NIPAL1: variants seen among roughly 807,000 people sequenced by gnomAD.
NIPAL1 encodes the protein NIPA like domain containing 1.
In NIPAL1, 35 loss-of-function variants were observed where a neutral mutation model predicts 37.7. The observed-to-expected ratio is 0.93, with a 90% CI of 0.71 to 1.23. NIPAL1 has a LOEUF of 1.23. Among genes scored for constraint, NIPAL1 ranks in the 50% most tolerant of loss-of-function variants. The probability of loss-of-function intolerance (pLI) is 0.00; values close to 1 mark genes in which losing one functional copy is unlikely to be tolerated. For missense variants in NIPAL1, 412 were observed against 473.9 expected, an observed-to-expected ratio of 0.87 and a Z score of 1.21; for synonymous variants, 162 against 183.0, an observed-to-expected ratio of 0.89 and a Z score of 0.93.
chr4:48,024,222 A>C (rs1251713634), intron 1 of NIPAL1, among the ~76,000 whole-genome samples: 1 of 151,060 alleles, frequency 6.6e-6, no homozygotes, highest in East Asian at 2.0e-4. Context: ...CAAGTGATCC[A>C]CCCGCCTTGG....
intron 1 of NIPAL1, among the ~76,000 whole-genome samples, chr4:48,019,458 A>G (rs1715523387): frequency 6.6e-6 from 1 of 152,242 alleles, no homozygotes; most frequent in Non-Finnish European, 1.5e-5. Flanking sequence ...GATTGGGAAC[A>G]TATGATGGAA....
intron 2 of NIPAL1, 73 bp from the exon 3 acceptor site, chr4:48,030,047 T>G: frequency 1.2e-6 from 1 of 858,778 alleles, no homozygotes; most frequent in Non-Finnish European, 2.0e-6. Context: ...GTACGCTTCC[T>G]AGAAGTTAAT....
intron 2 of NIPAL1, 53 bp from the exon 3 acceptor site, chr4:48,030,067 C>A: frequency 1.9e-6 from 2 of 1,050,900 alleles, no homozygotes; most frequent in Non-Finnish European, 3.0e-6. Flanking sequence ...TTCTTCAAAC[C>A]TTCCTCCAGT....
At chr4:48,030,822 G>A (rs566386152) in intron 3 of NIPAL1, among the ~76,000 whole-genome samples, 11 of 152,248 alleles carry the variant, frequency 7.2e-5, no homozygotes, top group African/African-American at 2.6e-4. Flanking sequence ...ATCCCAAAGC[G>A]GAGGCTCCCC....
Position 48,035,896 on chromosome 4 carries a change from G to A in NIPAL1, c.957G>A (p.Val319=). The A allele has an allele frequency of 6.2e-7, 1 of 1,614,042 alleles. No homozygotes were observed. Among genetic ancestry groups the A allele is most frequent in the Non-Finnish European group, 8.5e-7 (1 of 1,179,946 alleles). The part of the protein sequence containing the change: ...IYYVFFTSMV[V]TCSAILFQEW... The stretch of plus-strand genomic sequence containing the variant: ...ATGTATTCTTCACATCCATGGTAGT[G>A]ACTTGCTCTGCCATCTTATTCCAAG... Residue 319 remains valine, a synonymous_variant, in exon 6 of 6, where the codon GTG becomes GTA. Transcript: ENST00000295461.
In NIPAL1 at chr4:48,036,259, G is replaced by A; in HGVS notation, c.*87G>A. ...GCTTCTTGGAAGAACTGCTAGGAAA[G>A]TTAGCATTTTTGCAGTTCTAACTAA... is the stretch of plus-strand genomic sequence containing the variant. On this transcript the variant is annotated 3_prime_UTR_variant, in exon 6 of 6. Transcript: ENST00000295461. 1 of 1,337,350 alleles carries A rather than the reference G, an allele frequency of 7.5e-7. No individual in the cohort carries two copies. The highest frequency in any genetic ancestry group is 1.0e-6 in the Non-Finnish European group (1 of 982,002). The allele number at this position is 1,337,350 out of a possible 1,614,324, so 82.8% of individuals were successfully genotyped here. A position where few individuals can be genotyped will look rare whatever the true frequency, so the allele number is the denominator to read the frequency against.
At chr4:48,032,805 T>TTA (rs1370195471) in intron 3 of NIPAL1, among the ~76,000 whole-genome samples, 188 bp from the exon 4 acceptor site, 1 of 152,238 alleles carries the variant, frequency 6.6e-6, no homozygotes, top group African/African-American at 2.4e-5. Context: ...TCACCTGGTA[T>TTA]TACAGTTTGT....
chr4:48,024,920 G>T, intron 1 of NIPAL1, 148 bp from the exon 2 acceptor site: 1 of 662,856 alleles, frequency 1.5e-6, no homozygotes, highest in South Asian at 1.9e-5. Flanking sequence ...AGTGTCTATA[G>T]GTCTGTGGGC....
At chr4:48,022,363 T>G (rs321622) in intron 1 of NIPAL1, among the ~76,000 whole-genome samples, 1 of 152,030 alleles carries the variant, frequency 6.6e-6, no homozygotes, top group South Asian at 2.1e-4. Flanking sequence ...GACAAGATTT[T>G]TATTATTTTT....
At chr4:48,031,504 A>G (rs1038267597) in intron 3 of NIPAL1, among the ~76,000 whole-genome samples, 1 of 151,992 alleles carries the variant, frequency 6.6e-6, no homozygotes, top group Non-Finnish European at 1.5e-5. Context: ...CTCTACCCAT[A>G]CTTTATAATG....
chr4:48,031,253 C>T (rs573531989), intron 3 of NIPAL1, among the ~76,000 whole-genome samples: 83 of 152,118 alleles, frequency 5.5e-4, no homozygotes, highest in African/African-American at 2.0e-3. Flanking sequence ...TTAGTAGAGA[C>T]AAGTTCTCAC....
chr4:48,031,160 T>C (rs942804621), intron 3 of NIPAL1, among the ~76,000 whole-genome samples: 1 of 151,748 alleles, frequency 6.6e-6, no homozygotes, highest in Non-Finnish European at 1.5e-5. Flanking sequence ...TGCATCCCAG[T>C]TTCAAGCGAT....
rs1044349551 is a variant in NIPAL1, at chr4:48,016,785, G to A, written c.-55G>A. On this transcript the variant is annotated 5_prime_UTR_variant, in exon 1 of 6. Transcript: ENST00000295461. ...GCCCCGCCCGCCGCGGGTGCGTGTGGAGAGGCCCAGGTGAGGAGCAAGCGC... is the reference window on the plus strand; with the variant it reads ...GCCCCGCCCGCCGCGGGTGCGTGTGAAGAGGCCCAGGTGAGGAGCAAGCGC... 6.6e-7 allele frequency: 1 copy of A among 1,519,752 alleles called. No individual in the cohort carries two copies. 94.1% of individuals were successfully genotyped at this position (1,519,752 alleles called of 1,614,324 possible).
At chr4:48,017,370 T>C (rs1304007425) in intron 1 of NIPAL1, among the ~76,000 whole-genome samples, 1 of 151,980 alleles carries the variant, frequency 6.6e-6, no homozygotes, top group African/African-American at 2.4e-5. Flanking sequence ...CCGCGAGAGG[T>C]TGGGCGCCCG....
At position 48,036,411 on chromosome 4, in the gene NIPAL1, A is replaced by G. The variant is rs1715948070; in HGVS notation, c.*239A>G. On this transcript the variant is annotated 3_prime_UTR_variant, in exon 6 of 6. Coordinates refer to ENST00000295461, the MANE Select transcript of NIPAL1 (RefSeq NM_207330.3). ...TAAGGATCAAAGAAGTCAAAGAGCT[A>G]TGTGTGTCTCAGAATAATCTCCTTC... is the stretch of plus-strand genomic sequence containing the variant. The G allele has an allele frequency of 1.3e-5, 6 of 453,688 alleles. No individual in the cohort carries two copies. The highest frequency in any genetic ancestry group is 1.6e-5 in the Non-Finnish European group (4 of 257,460). 28.1% of individuals were successfully genotyped at this position (453,688 alleles called of 1,614,324 possible). A position where few individuals can be genotyped will look rare whatever the true frequency, so the allele number is the denominator to read the frequency against.
At chr4:48,018,116 A>T (rs2109363905) in intron 1 of NIPAL1, among the ~76,000 whole-genome samples, 1 of 152,266 alleles carries the variant, frequency 6.6e-6, no homozygotes, top group South Asian at 2.1e-4. Flanking sequence ...TCTGAAAAAG[A>T]GCAATAACGC....
rs1715915453 is a variant in NIPAL1, at chr4:48,035,810, AT to A, written c.873del (p.Asn292ThrfsTer15). On this transcript the variant is annotated frameshift_variant, in exon 6 of 6. Coordinates refer to ENST00000295461, the MANE Select transcript of NIPAL1 (RefSeq NM_207330.3). LOFTEE classifies it high-confidence loss of function. Reference sequence around the variant, plus strand: ...ACTTGTGCTTTCAGTAACTACACAGATTAACTATCTCAACAAGGCACTGGAC... The same window carrying A: ...ACTTGTGCTTTCAGTAACTACACAGATAACTATCTCAACAAGGCACTGGAC... Reference protein sequence around the residue: ...AVLVLSVTTQINYLNKALDTF... With the variant: ...AVLVLSVTTQXNYLNKALDTF... 2 of 1,614,118 alleles carry A rather than the reference AT, an allele frequency of 1.2e-6. No individual in the cohort carries two copies. The highest frequency in any genetic ancestry group is 1.7e-6 in the Non-Finnish European group (2 of 1,180,046).
chr4:48,024,024 G>A (rs150319674), intron 1 of NIPAL1, among the ~76,000 whole-genome samples: 1,669 of 147,416 alleles, frequency 0.011, 29 homozygotes, highest in African/African-American at 0.04. Context: ...CACCCAGGCT[G>A]GAGTGCAGTG....
At chr4:48,017,913 C>T (rs1434558432) in intron 1 of NIPAL1, among the ~76,000 whole-genome samples, 2 of 151,668 alleles carry the variant, frequency 1.3e-5, no homozygotes, top group African/African-American at 4.9e-5. Context: ...CAAAGGTGCT[C>T]GCAACTTCCC....
Sources: allele counts gnomAD v4.1 joint callset (sites outside exome capture counted in the v4.1 genomes callset), GRCh38; gene constraint gnomAD v4.1.1; transcripts MANE v1.5; gene names NCBI Gene and HGNC (gene_info 2026-07-23, HGNC 2026-07-21).